The following UNC13C variants were observed in gnomAD, a reference collection of about 807,000 sequenced individuals.
UNC13C encodes unc-13 homolog C.
UNC13C carries 174 observed loss-of-function variants against 245.4 expected under a neutral mutation model. That is an observed-to-expected ratio of 0.71 (90% CI 0.63 to 0.80). The LOEUF (loss-of-function observed/expected upper bound fraction) is 0.80. Among genes scored for constraint, UNC13C ranks in the 30% least tolerant of loss-of-function variants. The pLI is 0.00. For missense variants in UNC13C, 2,829 were observed against 2,602.9 expected (o/e 1.09, Z -1.89); for synonymous variants, 992 against 895.1 (o/e 1.11, Z -1.93).
intron 17 of UNC13C, among the ~76,000 whole-genome samples, chr15:54,379,294 A>T (rs1049600030): frequency 1.3e-5 from 2 of 152,082 alleles, no homozygotes; most frequent in South Asian, 4.1e-4. Context: ...ACTTCCTCTT[A>T]AAATTAGGGA....
intron 2 of UNC13C, among the ~76,000 whole-genome samples, chr15:54,028,033 T>C (rs1896189911): frequency 1.3e-5 from 2 of 152,136 alleles, no homozygotes; most frequent in Non-Finnish European, 2.9e-5. Flanking sequence ...AAGTAGACAT[T>C]GTACATTAAC....
chr15:54,301,439 G>A (rs1399030991), intron 13 of UNC13C, among the ~76,000 whole-genome samples: 2 of 151,782 alleles, frequency 1.3e-5, no homozygotes, highest in African/African-American at 4.8e-5. Flanking sequence ...CCCTCCCTTA[G>A]CCGTCTACGC....
chr15:53,918,007 G>C, the UNC13C span, among the ~76,000 whole-genome samples: 5 of 152,166 alleles, frequency 3.3e-5, no homozygotes, highest in Non-Finnish European at 7.3e-5. Context: ...GGGCACGGGG[G>C]GTAGCAGTTG....
At position 54,577,278 on chromosome 15, in the gene UNC13C, A is replaced by G. The variant is rs1450490616; in HGVS notation, c.6106+9331A>G. ...CATGAAACTCAAAAACCGACCAGGA[A>G]AAAATGAAGTATGCCACTGTGCACA... On this transcript the variant is annotated intron_variant, in intron 30 of 32. Coordinates refer to ENST00000260323, the MANE Select transcript of UNC13C (RefSeq NM_001080534.3). 2.0e-5 allele frequency among the ~76,000 whole-genome samples: 3 copies of G among 152,226 alleles called. No homozygotes were observed. The East Asian group carries it at 5.8e-4, about 29-fold the overall frequency.
chr15:54,481,337 G>T (rs1383191501), intron 19 of UNC13C, among the ~76,000 whole-genome samples: 2 of 151,864 alleles, frequency 1.3e-5, no homozygotes, highest in African/African-American at 4.8e-5. Context: ...GGCAGTGCAG[G>T]ACTGGGCAGG....
At chr15:54,577,396 A>G (rs1355933977) in intron 30 of UNC13C, among the ~76,000 whole-genome samples, 1 of 152,192 alleles carries the variant, frequency 6.6e-6, no homozygotes, top group Non-Finnish European at 1.5e-5. Context: ...GTAAATTACC[A>G]TGAAAGTCTA....
At chr15:54,349,235 A>G (rs2038927240) in intron 17 of UNC13C, among the ~76,000 whole-genome samples, 1 of 151,242 alleles carries the variant, frequency 6.6e-6, no homozygotes, top group African/African-American at 2.4e-5. Flanking sequence ...TACTTGTAAC[A>G]AGAAATTGTT....
the UNC13C span, chr15:53,911,881 A>G: frequency 6.6e-6 from 1 of 152,248 alleles, no homozygotes; most frequent in Non-Finnish European, 1.5e-5. Flanking sequence ...GCACCCCCGG[A>G]TGCTTTGGCC....
At chr15:54,291,556 C>A (rs1457288253) in intron 10 of UNC13C, among the ~76,000 whole-genome samples, 2 of 151,870 alleles carry the variant, frequency 1.3e-5, no homozygotes, top group Non-Finnish European at 2.9e-5. Context: ...GAACGTGGAA[C>A]TTGTGGAATA....
intron 3 of UNC13C, among the ~76,000 whole-genome samples, 175 bp from the exon 4 acceptor site, chr15:54,143,445 A>G (rs962631887): frequency 6.9e-6 from 1 of 145,616 alleles, no homozygotes; most frequent in Admixed American, 6.6e-5. Context: ...GCTAATTTCA[A>G]AACCTCTACT....
intron 24 of UNC13C, among the ~76,000 whole-genome samples, chr15:54,516,799 C>CAAAAAA (rs59628073): frequency 0.049 from 6,008 of 123,542 alleles, 361 homozygotes; most frequent in African/African-American, 0.11. Context: ...GATGCTGTCT[C>CAAAAAA]AAAAAAAAAA....
chr15:54,502,276 G>A (rs1894253761), intron 22 of UNC13C, among the ~76,000 whole-genome samples: 1 of 152,030 alleles, frequency 6.6e-6, no homozygotes, highest in Non-Finnish European at 1.5e-5. Context: ...AAACAACTAT[G>A]ACAAAGTCAA....
the UNC13C span, among the ~76,000 whole-genome samples, chr15:53,958,122 T>TA: frequency 1.6e-4 from 25 of 152,174 alleles, no homozygotes; most frequent in Non-Finnish European, 7.3e-5. Context: ...AGCCACTACT[T>TA]AAAGAGAGCT....
At chr15:53,971,382 T>A in the UNC13C span, among the ~76,000 whole-genome samples, 1,543 of 152,212 alleles carry the variant, frequency 0.01, 12 homozygotes, top group South Asian at 0.029. Flanking sequence ...TTCAAGACTT[T>A]CTCAGTGATT....
chr15:54,543,685 G>C (rs1289838241), intron 26 of UNC13C, among the ~76,000 whole-genome samples: 1 of 152,016 alleles, frequency 6.6e-6, no homozygotes, highest in East Asian at 1.9e-4. Context: ...AAATAAACTA[G>C]AAAATCTAGA....
At chr15:54,078,855 T>C (rs924749497) in intron 2 of UNC13C, among the ~76,000 whole-genome samples, 2 of 152,138 alleles carry the variant, frequency 1.3e-5, no homozygotes, top group African/African-American at 4.8e-5. Context: ...TCGCATTTAC[T>C]TTTGAAGTCT....
intron 1 of UNC13C, among the ~76,000 whole-genome samples, chr15:54,009,085 G>A (rs565183617): frequency 1.3e-5 from 2 of 152,266 alleles, no homozygotes; most frequent in South Asian, 4.1e-4. Flanking sequence ...TTTCCCTAAA[G>A]CATCTATGGT....
At chr15:54,321,635 TGTTCAG>T (rs1419352268) in intron 13 of UNC13C, 1 of 347,292 alleles carries the variant, frequency 2.9e-6, no homozygotes, top group East Asian at 6.6e-5. Context: ...CTTCTGCAGC[TGTTCAG>T]GCTCTTTCAA....
chr15:54,198,087 G>A (rs867773488), intron 4 of UNC13C, among the ~76,000 whole-genome samples: 2 of 152,040 alleles, frequency 1.3e-5, no homozygotes, highest in Middle Eastern at 3.2e-3. Flanking sequence ...ATATGGCTTA[G>A]CAGAAGCAGC....
Sources: allele counts gnomAD v4.1 joint callset (sites outside exome capture counted in the v4.1 genomes callset), GRCh38; gene constraint gnomAD v4.1.1; transcripts MANE v1.5; gene names NCBI Gene and HGNC (gene_info 2026-07-23, HGNC 2026-07-21).